PCDHA1: variants seen among roughly 807,000 people sequenced by gnomAD.
PCDHA1 encodes the protein protocadherin alpha 1.
Under a neutral mutation model 61.3 loss-of-function variants are expected in PCDHA1, and 42 were observed. That is an observed-to-expected ratio of 0.69 (90% CI 0.54 to 0.89). PCDHA1 has a LOEUF of 0.89. Ranked by LOEUF, PCDHA1 falls within the 40% of genes least tolerant of loss-of-function variation. The probability of loss-of-function intolerance (pLI) is 0.00; values close to 1 mark genes in which losing one functional copy is unlikely to be tolerated. For synonymous variants in PCDHA1, 610 were observed against 553.8 expected, an observed-to-expected ratio of 1.10 and a Z score of -1.43; for missense variants, 1,256 against 1,235.3, an observed-to-expected ratio of 1.02 and a Z score of -0.25.
intron 1 of PCDHA1, chr5:140,861,242 A>T (rs1554154320): frequency 6.0e-6 from 1 of 165,896 alleles, no homozygotes; most frequent in African/African-American, 2.4e-5. Context: ...TGCTAGACAA[A>T]GTGGCCAGGA....
At chr5:140,795,848 T>C (rs889935841) in intron 1 of PCDHA1, 9 of 1,613,958 alleles carry the variant, frequency 5.6e-6, no homozygotes, top group East Asian at 2.2e-5. Flanking sequence ...AAGTTTACCA[T>C]AGATCCCATC....
At chr5:140,802,499 A>G (rs1554122168) in intron 1 of PCDHA1, 1 of 1,614,136 alleles carries the variant, frequency 6.2e-7, no homozygotes, top group South Asian at 1.1e-5. Flanking sequence ...GCTCGCCTTC[A>G]CTGTGGGCCA....
chr5:140,920,841 T>TAA (rs781921146), intron 1 of PCDHA1, among the ~76,000 whole-genome samples: 36 of 109,202 alleles, frequency 3.3e-4, no homozygotes, highest in African/African-American at 8.5e-4. Flanking sequence ...AGACCAAATC[T>TAA]AAAAAAAAAA....
intron 1 of PCDHA1, chr5:140,809,058 T>C (rs1554124969): frequency 1.2e-6 from 2 of 1,613,738 alleles, no homozygotes; most frequent in East Asian, 2.2e-5. Flanking sequence ...CCGTTCCGCG[T>C]GGGGCTGTAC....
chr5:140,975,503 CT>C (rs1189456467), intron 1 of PCDHA1, among the ~76,000 whole-genome samples: 3 of 152,178 alleles, frequency 2.0e-5, no homozygotes, highest in Non-Finnish European at 4.4e-5. Flanking sequence ...TAAAATAGCA[CT>C]ATGCAAAATC....
At chr5:140,871,456 G>A (rs782153529) in intron 1 of PCDHA1, 2 of 1,607,284 alleles carry the variant, frequency 1.2e-6, no homozygotes, top group East Asian at 4.5e-5. Context: ...AGAGGAGGAA[G>A]GGGAAAGACA....
rs782443702 is a variant in PCDHA1 at position 140,824,610 on chromosome 5, G to GTTTTTTTTTTTTTTTTTTT, written c.2394+35930_2394+35948dup. 21 of 95,112 alleles carry GTTTTTTTTTTTTTTTTTTT rather than the reference G, an allele frequency of 2.2e-4. 4 individuals carry two copies. Among genetic ancestry groups the GTTTTTTTTTTTTTTTTTTT allele is most frequent in the Middle Eastern group, 6.7e-3 (1 of 150 alleles). 5.9% of individuals were successfully genotyped at this position (95,112 alleles called of 1,614,324 possible). A position where few individuals can be genotyped will look rare whatever the true frequency, so the allele number is the denominator to read the frequency against. On this transcript the variant is annotated intron_variant, in intron 1 of 3. Transcript: ENST00000504120. ...GGACTACATGCACATGCTAATTAAA[G>GTTTTTTTTTTTTTTTTTTT]TTTTTTTTTTTTTTTTTTTTTTATT...
In PCDHA1 at chr5:140,823,574, C is replaced by T. The variant is rs2150127035; in HGVS notation, c.2394+34890C>T. The T allele has an allele frequency of 1.3e-5, 21 of 1,613,944 alleles. 1 individual carries two copies. Among genetic ancestry groups the T allele is most frequent in the South Asian group, 1.2e-4 (11 of 91,078 alleles). On this transcript the variant is annotated intron_variant, in intron 1 of 3. Transcript: ENST00000504120. The stretch of plus-strand genomic sequence containing the variant: ...AAGGTGCGCGCAGTGGACCCTGATT[C>T]GGGCTACAACGCTTGGCTTTCGTAT...
chr5:140,882,352 T>A, intron 1 of PCDHA1: 1 of 1,614,166 alleles, frequency 6.2e-7, no homozygotes, highest in Non-Finnish European at 8.5e-7. Context: ...AGACGGGTAG[T>A]GGCCAGCTCC....
chr5:140,789,659 A>AT (rs2149900202), intron 1 of PCDHA1, among the ~76,000 whole-genome samples: 1 of 152,276 alleles, frequency 6.6e-6, no homozygotes, highest in Non-Finnish European at 1.5e-5. Context: ...TCCAGTTAGG[A>AT]AACACTTATT....
In PCDHA1 at chr5:140,875,833, G is replaced by T. The variant is rs782436615; in HGVS notation, c.2394+87149G>T. The stretch of plus-strand genomic sequence containing the variant: ...GCCGCTGCAGGTTTTCCATGTGGAC[G>T]TGGAGGTGAAGGACATTAACGACAA... On this transcript the variant is annotated intron_variant, in intron 1 of 3. Coordinates refer to ENST00000504120, the MANE Select transcript of PCDHA1 (RefSeq NM_018900.4). 2.3e-5 allele frequency: 37 copies of T among 1,614,100 alleles called. No homozygotes were observed. The Admixed American group carries it at 6.0e-4, about 26-fold the overall frequency.
intron 1 of PCDHA1, among the ~76,000 whole-genome samples, chr5:140,932,302 G>A (rs565143074): frequency 6.6e-6 from 1 of 151,800 alleles, no homozygotes; most frequent in African/African-American, 2.4e-5. Context: ...AATTTTTAAA[G>A]GTATAAATAT....
At chr5:140,845,517 A>G (rs1554140912) in intron 1 of PCDHA1, among the ~76,000 whole-genome samples, 1 of 149,602 alleles carries the variant, frequency 6.7e-6, no homozygotes, top group Non-Finnish European at 1.5e-5. Context: ...TTTCTTGTAC[A>G]TTAATACTTT....
chr5:140,842,488 G>A, intron 1 of PCDHA1: 3 of 1,613,912 alleles, frequency 1.9e-6, no homozygotes, highest in Non-Finnish European at 1.7e-6. Flanking sequence ...CCTGCTCCCT[G>A]ATGCCCCATG....
chr5:140,939,562 G>C (rs1584985766), intron 1 of PCDHA1, among the ~76,000 whole-genome samples: 1 of 152,158 alleles, frequency 6.6e-6, no homozygotes, highest in Middle Eastern at 3.4e-3. Flanking sequence ...TATTAGTTTG[G>C]TTAATCAAAA....
In PCDHA1 at chr5:140,966,814, C is replaced by G. The variant is rs782787958; in HGVS notation, c.2395-12135C>G. 4.5e-6 allele frequency: 7 copies of G among 1,552,328 alleles called. No individual in the cohort carries two copies. The East Asian group carries it at 1.2e-4, about 27-fold the overall frequency. On this transcript the variant is annotated intron_variant, in intron 1 of 3. Coordinates refer to ENST00000504120, the MANE Select transcript of PCDHA1 (RefSeq NM_018900.4). The stretch of plus-strand genomic sequence containing the variant: ...CTGCGGCGACAGAGCATCCACGGCT[C>G]CGGCGGCCCATGCCCTGGCTGCTGC...
At chr5:140,818,985 T>C (rs1212659163) in intron 1 of PCDHA1, among the ~76,000 whole-genome samples, 1 of 152,252 alleles carries the variant, frequency 6.6e-6, no homozygotes, top group Non-Finnish European at 1.5e-5. Flanking sequence ...ACTATTCTCA[T>C]ATTTTCTATC....
intron 1 of PCDHA1, chr5:140,927,853 G>T: frequency 6.2e-7 from 1 of 1,614,214 alleles, no homozygotes; most frequent in Non-Finnish European, 8.5e-7. Context: ...CTTTGGTTTA[G>T]CTAGCACCGC....
At chr5:140,973,207 A>C (rs1335984656) in intron 1 of PCDHA1, among the ~76,000 whole-genome samples, 1 of 152,100 alleles carries the variant, frequency 6.6e-6, no homozygotes, top group Non-Finnish European at 1.5e-5. Flanking sequence ...GTGCATATTC[A>C]CCCTAATTCC....
Sources: gnomAD v4.1 joint callset for allele counts (sites outside exome capture counted in the v4.1 genomes callset) on GRCh38, gnomAD v4.1.1 for gene constraint, MANE v1.5 for transcripts, NCBI Gene and HGNC (gene_info 2026-07-23, HGNC 2026-07-21) for gene names.